The following NBDY variants were observed in gnomAD, a reference collection of about 807,000 sequenced individuals.
The protein encoded by NBDY is negative regulator of P-body association, also known as P-body dissociating protein.
At chrX:56,781,069 G>A (rs1343117954) in intron 2 of NBDY, among the ~76,000 whole-genome samples, 1 of 111,558 alleles carries the variant, frequency 9.0e-6, no homozygotes, top group Non-Finnish European at 1.9e-5. Flanking sequence ...ATCGGGTGAA[G>A]TAAGGAACGC....
intron 2 of NBDY, among the ~76,000 whole-genome samples, chrX:56,763,186 G>T (rs2069646962): frequency 8.9e-6 from 1 of 112,538 alleles, no homozygotes; most frequent in Non-Finnish European, 1.9e-5. Flanking sequence ...AGCATCCTGG[G>T]TCAAGCTGCT....
intron 2 of NBDY, among the ~76,000 whole-genome samples, chrX:56,746,058 T>C (rs1490922863): frequency 1.8e-5 from 2 of 111,941 alleles, no homozygotes; most frequent in Non-Finnish European, 3.8e-5. Flanking sequence ...GTTACCTGTT[T>C]ACAGAAATGC....
chrX:56,747,017 A>G (rs1466333152), intron 2 of NBDY, among the ~76,000 whole-genome samples: 1 of 111,994 alleles, frequency 8.9e-6, no homozygotes, highest in African/African-American at 3.2e-5. Context: ...TAACATAGTC[A>G]TGGATTCTTG....
At chrX:56,762,207 C>T (rs929028510) in intron 2 of NBDY, among the ~76,000 whole-genome samples, 2 of 111,500 alleles carry the variant, frequency 1.8e-5, no homozygotes, top group African/African-American at 6.5e-5. Flanking sequence ...TGGCATGAAG[C>T]TGCCATTTCT....
chrX:56,788,335 A>G (rs1213714623), intron 2 of NBDY, among the ~76,000 whole-genome samples: 1 of 113,282 alleles, frequency 8.8e-6, no homozygotes, highest in Non-Finnish European at 1.9e-5. Flanking sequence ...CCATACTGCC[A>G]TCAAGTGGAA....
intron 2 of NBDY, among the ~76,000 whole-genome samples, chrX:56,782,386 C>A (rs570419873): frequency 1.8e-5 from 2 of 110,939 alleles, no homozygotes; most frequent in African/African-American, 6.6e-5. Flanking sequence ...CTCTGCTTCT[C>A]TTTTTCCCTT....
At chrX:56,753,282 G>A (rs919933020) in intron 2 of NBDY, among the ~76,000 whole-genome samples, 2 of 112,418 alleles carry the variant, frequency 1.8e-5, no homozygotes, top group African/African-American at 6.5e-5. Context: ...GATAGATAGT[G>A]ATCCCAGACA....
intron 2 of NBDY, among the ~76,000 whole-genome samples, chrX:56,747,906 A>C (rs2069565304): frequency 9.0e-6 from 1 of 111,220 alleles, no homozygotes; most frequent in Non-Finnish European, 1.9e-5. Context: ...AACCAGTAGG[A>C]GATATATATT....
At chrX:56,743,565 A>C (rs1376102478) in intron 2 of NBDY, among the ~76,000 whole-genome samples, 12 of 111,061 alleles carry the variant, frequency 1.1e-4, no homozygotes. Flanking sequence ...CTTTATTGGC[A>C]TATAGTTGCT....
chrX:56,814,554 G>A (rs1458448664), intron 2 of NBDY, among the ~76,000 whole-genome samples: 1 of 107,189 alleles, frequency 9.3e-6, no homozygotes, highest in Non-Finnish European at 1.9e-5. Flanking sequence ...GTGCAGTGGT[G>A]TGACCTTGAC....
At chrX:56,746,497 C>T (rs920574947) in intron 2 of NBDY, among the ~76,000 whole-genome samples, 1 of 111,009 alleles carries the variant, frequency 9.0e-6, no homozygotes, top group African/African-American at 3.3e-5. Context: ...TTTAAAAGAA[C>T]ATATTTATTA....
At chrX:56,757,310 G>A (rs1316147796) in intron 2 of NBDY, among the ~76,000 whole-genome samples, 1 of 111,831 alleles carries the variant, frequency 8.9e-6, no homozygotes, top group Non-Finnish European at 1.9e-5. Flanking sequence ...AGGGTTAATT[G>A]GAATAATTTT....
chrX:56,784,593 G>A (rs2069716070), intron 2 of NBDY, among the ~76,000 whole-genome samples: 2 of 111,653 alleles, frequency 1.8e-5, no homozygotes, highest in Admixed American at 9.4e-5. Flanking sequence ...GACAGTGCTC[G>A]CCTTCTCCTG....
intron 2 of NBDY, among the ~76,000 whole-genome samples, chrX:56,749,424 C>T (rs1351652711): frequency 1.8e-5 from 2 of 110,862 alleles, no homozygotes; most frequent in East Asian, 5.6e-4. Context: ...ATGTAACTAC[C>T]ATGTAATCCA....
At chrX:56,764,702 CAAAAAAAAA>C (rs10623590) in intron 2 of NBDY, among the ~76,000 whole-genome samples, 2 of 60,801 alleles carry the variant, frequency 3.3e-5, no homozygotes, top group East Asian at 1.2e-3. Flanking sequence ...AAACAAACAC[CAAAAAAAAA>C]AAAAAAAAAA....
At chrX:56,811,577 A>G (rs886639574) in intron 2 of NBDY, among the ~76,000 whole-genome samples, 5 of 111,694 alleles carry the variant, frequency 4.5e-5, no homozygotes, top group Non-Finnish European at 7.5e-5. Flanking sequence ...TGCCTACTTA[A>G]GCCTCAGCAA....
At chrX:56,795,656 G>A (rs991100288) in intron 2 of NBDY, among the ~76,000 whole-genome samples, 6 of 112,290 alleles carry the variant, frequency 5.3e-5, no homozygotes, top group Non-Finnish European at 7.5e-5. Flanking sequence ...CAAGAGGAAC[G>A]TCAATCTCGT....
intron 2 of NBDY, among the ~76,000 whole-genome samples, chrX:56,756,555 C>G (rs2069612328): frequency 9.0e-6 from 1 of 111,236 alleles, no homozygotes; most frequent in South Asian, 3.7e-4. Context: ...GTATAATGTA[C>G]TTAAAAACAT....
Position 56,729,337 on chromosome X carries a change from C to A in NBDY, c.-17C>A. 1 of 297,014 alleles carries A rather than the reference C, an allele frequency of 3.4e-6. No individual in the cohort carries two copies. Among genetic ancestry groups the A allele is most frequent in the Non-Finnish European group, 5.9e-6 (1 of 170,084 alleles). 24.5% of individuals were successfully genotyped at this position (297,014 alleles called of 1,213,427 possible). ...GGGCCCACCGGAGAAAACTGACGAC[C>A]CGTTTCTGTAATCCTTATGGGAGAC... On this transcript the variant is annotated 5_prime_UTR_variant, in exon 1 of 3. Transcript: ENST00000374922.
Sources: gnomAD v4.1 joint callset for allele counts (sites outside exome capture counted in the v4.1 genomes callset) on GRCh38, gnomAD v4.1.1 for gene constraint, MANE v1.5 for transcripts, NCBI Gene and HGNC (gene_info 2026-07-23, HGNC 2026-07-21) for gene names.